Variants in RBFOX1 observed in about 807,000 individuals in gnomAD.
The protein encoded by RBFOX1 is RNA binding protein fox-1 homolog 1.
In RBFOX1, 8 loss-of-function variants were observed where a neutral mutation model predicts 57.7. That is an observed-to-expected ratio of 0.14 (90% CI 0.08 to 0.25). RBFOX1 has a LOEUF of 0.25. Ranked by LOEUF, RBFOX1 falls within the 10% of genes least tolerant of loss-of-function variation. The pLI is 1.00. For missense variants in RBFOX1, 611 were observed against 548.5 expected, an observed-to-expected ratio of 1.11 and a Z score of -1.14; for synonymous variants, 326 against 222.4, an observed-to-expected ratio of 1.47 and a Z score of -4.15.
chr16:5,446,672 G>A (rs2151553255), intron 1 of RBFOX1, among the ~76,000 whole-genome samples: 1 of 152,182 alleles, frequency 6.6e-6, no homozygotes, highest in Admixed American at 6.5e-5. Flanking sequence ...GGATCGCTGT[G>A]ATTCCAGAAG....
rs899243335 is a variant in RBFOX1, at chr16:7,142,102, C to T, written c.27+90004C>T. Among the ~76,000 whole-genome samples the T allele has an allele frequency of 2.0e-5, 3 of 152,194 alleles. No individual in the cohort carries two copies. The South Asian group carries it at 6.2e-4, about 32-fold the overall frequency. ...GCAGTGGTGTGATCATAGCTCAGTG[C>T]AGCATCAACCTCCCAGGCTAAAGGG... On this transcript the variant is annotated intron_variant, in intron 4 of 15. Transcript: ENST00000550418.
At chr16:7,626,277 G>A (rs1282927391) in intron 10 of RBFOX1, among the ~76,000 whole-genome samples, 2 of 152,176 alleles carry the variant, frequency 1.3e-5, no homozygotes, top group East Asian at 3.9e-4. Flanking sequence ...TTCTAGGCTT[G>A]TGCCTGCCCC....
chr16:5,379,344 G>A (rs1446224582), intron 1 of RBFOX1, among the ~76,000 whole-genome samples: 2 of 151,396 alleles, frequency 1.3e-5, no homozygotes, highest in Non-Finnish European at 2.9e-5. Flanking sequence ...AGACCTCTCA[G>A]AGAAACACAC....
chr16:6,442,757 A>T (rs1014732151), intron 2 of RBFOX1, among the ~76,000 whole-genome samples: 2 of 152,140 alleles, frequency 1.3e-5, no homozygotes, highest in Non-Finnish European at 2.9e-5. Flanking sequence ...TTTGAAAGAC[A>T]GCGTCCCCTT....
At chr16:7,306,528 T>A (rs1232643215) in intron 4 of RBFOX1, among the ~76,000 whole-genome samples, 1 of 152,118 alleles carries the variant, frequency 6.6e-6, no homozygotes, top group East Asian at 1.9e-4. Flanking sequence ...TGCACTGCTA[T>A]CTGTGAAAGT....
chr16:6,416,182 T>C, intron 2 of RBFOX1, among the ~76,000 whole-genome samples: 1 of 152,230 alleles, frequency 6.6e-6, no homozygotes, highest in Non-Finnish European at 1.5e-5. Context: ...TGTTTGAGTC[T>C]CTCGCTTATG....
intron 3 of RBFOX1, among the ~76,000 whole-genome samples, chr16:6,719,390 A>G (rs923556779): frequency 3.3e-5 from 5 of 152,104 alleles, no homozygotes; most frequent in African/African-American, 1.2e-4. Flanking sequence ...TAAAATAACT[A>G]TTACTAATAG....
intron 4 of RBFOX1, among the ~76,000 whole-genome samples, chr16:7,461,329 G>A (rs1001653150): frequency 7.9e-5 from 12 of 152,034 alleles, no homozygotes; most frequent in East Asian, 3.9e-4. Context: ...CACCACACCC[G>A]GCTAATTTTT....
Position 7,708,928 on chromosome 16 carries a change from T to G in RBFOX1, c.996-128T>G. 5.2e-6 allele frequency: 4 copies of G among 761,922 alleles called. No individual in the cohort carries two copies. The East Asian group carries it at 7.8e-5, about 15-fold the overall frequency. The allele number at this position is 761,922 out of a possible 1,614,324, so 47.2% of individuals were successfully genotyped here. ...ACTCTTCTTATACTACACAGCAGAG[T>G]AGAATTTGCTTCTCACTGGAAGATG... is the stretch of plus-strand genomic sequence containing the variant. On this transcript the variant is annotated intron_variant, in intron 14 of 15. Transcript: ENST00000550418.
At chr16:7,301,365 C>T (rs753565072) in intron 4 of RBFOX1, among the ~76,000 whole-genome samples, 7 of 152,078 alleles carry the variant, frequency 4.6e-5, no homozygotes, top group African/African-American at 7.2e-5. Context: ...GAGCAGAGCC[C>T]GACTCCAAAT....
intron 2 of RBFOX1, among the ~76,000 whole-genome samples, chr16:6,585,361 C>G (rs1166523941): frequency 6.6e-6 from 1 of 152,114 alleles, no homozygotes. Flanking sequence ...TTATAGTCTC[C>G]AAAACTTTGA....
intron 2 of RBFOX1, among the ~76,000 whole-genome samples, chr16:6,603,110 C>T (rs777113881): frequency 5.3e-5 from 8 of 152,180 alleles, no homozygotes; most frequent in Admixed American, 1.3e-4. Flanking sequence ...TAATCATCAC[C>T]GTTGTGGTCT....
chr16:6,637,903 G>C (rs73542198), intron 2 of RBFOX1, among the ~76,000 whole-genome samples: 2 of 152,160 alleles, frequency 1.3e-5, no homozygotes, highest in East Asian at 3.9e-4. Context: ...ACATTTTACA[G>C]GGATTTTACC....
chr16:6,632,610 G>T (rs970987618), intron 2 of RBFOX1, among the ~76,000 whole-genome samples: 2 of 152,196 alleles, frequency 1.3e-5, no homozygotes, highest in African/African-American at 4.8e-5. Context: ...TTAGAAGGCA[G>T]GCCTGGCCAT....
chr16:6,364,365 T>C (rs972067073), intron 2 of RBFOX1, among the ~76,000 whole-genome samples: 4 of 152,208 alleles, frequency 2.6e-5, no homozygotes, highest in Non-Finnish European at 5.9e-5. Context: ...TTCCTCTTTC[T>C]TTCTTTCTCA....
intron 2 of RBFOX1, among the ~76,000 whole-genome samples, chr16:6,496,164 T>G (rs2095762926): frequency 6.6e-6 from 1 of 152,218 alleles, no homozygotes; most frequent in Non-Finnish European, 1.5e-5. Context: ...ACAGCATTGG[T>G]ATTTGTAAAT....
At chr16:6,901,258 T>C (rs7184855) in intron 3 of RBFOX1, among the ~76,000 whole-genome samples, 122,936 of 152,170 alleles carry the variant, frequency 0.81, 50,455 homozygotes, top group African/African-American at 0.95. Flanking sequence ...AGGACAGAAT[T>C]GCTTGTTCAT....
At chr16:7,437,226 C>G (rs138020168) in intron 4 of RBFOX1, among the ~76,000 whole-genome samples, 98 of 149,766 alleles carry the variant, frequency 6.5e-4, no homozygotes, top group African/African-American at 2.3e-3. Flanking sequence ...CTATCCTCAA[C>G]TGTGCTAGAA....
chr16:6,215,014 G>A (rs542780092), intron 1 of RBFOX1, among the ~76,000 whole-genome samples: 1 of 136,522 alleles, frequency 7.3e-6, no homozygotes, highest in African/African-American at 2.8e-5. Context: ...GAGGGAGAAG[G>A]GGAGAGGTAA....
Sources: allele counts gnomAD v4.1 joint callset (sites outside exome capture counted in the v4.1 genomes callset), GRCh38; gene constraint gnomAD v4.1.1; transcripts MANE v1.5; gene names NCBI Gene and HGNC (gene_info 2026-07-23, HGNC 2026-07-21).